Variants in RELN observed in about 807,000 individuals in gnomAD.
The protein encoded by RELN is reelin.
Under a neutral mutation model 427.6 loss-of-function variants are expected in RELN, and 108 were observed. The ratio of observed to expected loss-of-function variants is 0.25; its 90% CI spans 0.22 to 0.30. The LOEUF is 0.30. RELN is among the 10% of genes least tolerant of loss of function. RELN has a pLI of 1.00. For synonymous variants in RELN, 1,524 were observed against 1,513.4 expected, an observed-to-expected ratio of 1.01 and a Z score of -0.16; for missense variants, 3,715 against 4,302.8, an observed-to-expected ratio of 0.86 and a Z score of 3.82.
intron 2 of RELN, among the ~76,000 whole-genome samples, chr7:103,858,514 A>G (rs578107581): frequency 6.6e-6 from 1 of 152,324 alleles, no homozygotes; most frequent in East Asian, 1.9e-4. Context: ...GCATTTAGAA[A>G]TAAGATAATT....
chr7:103,503,199 A>AT lies in RELN; in HGVS notation c.8305dup (p.Ile2769AsnfsTer13), dbSNP rs1164400626. Reference sequence around the variant, plus strand: ...CTGCACATGAATTTGATTCTGGGCAATTTTTTCAGACACCTTACATCCAAC... The same window carrying AT: ...CTGCACATGAATTTGATTCTGGGCAATTTTTTTCAGACACCTTACATCCAAC... On this transcript the variant is annotated frameshift_variant, in exon 52 of 65. Coordinates refer to ENST00000428762, the MANE Select transcript of RELN (RefSeq NM_005045.4). LOFTEE classifies it high-confidence loss of function. 6.2e-7 allele frequency: 1 copy of AT among 1,614,152 alleles called. No individual in the cohort carries two copies. Among genetic ancestry groups the AT allele is most frequent in the South Asian group, 1.1e-5 (1 of 91,084 alleles).
At chr7:103,811,564 A>C (rs975539719) in intron 3 of RELN, among the ~76,000 whole-genome samples, 2 of 152,248 alleles carry the variant, frequency 1.3e-5, no homozygotes, top group Non-Finnish European at 2.9e-5. Context: ...ACCAGTGCAT[A>C]GCACGGGCCT....
At position 103,780,051 on chromosome 7, in the gene RELN, C is replaced by T. The variant is rs1412932127; in HGVS notation, c.474-3424G>A. On this transcript the variant is annotated intron_variant, in intron 3 of 64. Transcript: ENST00000428762. The stretch of plus-strand genomic sequence containing the variant: ...CAGGGCCTGATCTTTAAAGAAATGT[C>T]TTCTCTGACTTGTATTCTCTACTCC... 3.9e-5 allele frequency among the ~76,000 whole-genome samples: 6 copies of T among 152,158 alleles called. No individual in the cohort carries two copies. In the South Asian group the frequency reaches 1.2e-3, roughly 32 times the overall value.
Position 103,519,736 on chromosome 7 carries a change from C to T in RELN, c.7669-220G>A, listed in dbSNP as rs543196925. ...TGGCTGGGACTACGGGTACATGCCT[C>T]CATGTCTAGCTAATTTTTTGTAGAG... is the stretch of plus-strand genomic sequence containing the variant. On this transcript the variant is annotated intron_variant, in intron 48 of 64. Coordinates refer to ENST00000428762, the MANE Select transcript of RELN (RefSeq NM_005045.4). Among the ~76,000 whole-genome samples, 4 of 152,088 alleles carry T rather than the reference C, an allele frequency of 2.6e-5. No individual in the cohort carries two copies. The East Asian group carries it at 7.8e-4, about 29-fold the overall frequency.
chr7:103,748,462 T>C (rs1222859882), intron 6 of RELN, among the ~76,000 whole-genome samples: 2 of 152,220 alleles, frequency 1.3e-5, no homozygotes, highest in East Asian at 1.9e-4. Flanking sequence ...CTCCTTTCTT[T>C]GGAACTCCTC....
intron 3 of RELN, among the ~76,000 whole-genome samples, chr7:103,818,769 T>TA: frequency 6.6e-6 from 1 of 152,192 alleles, no homozygotes; most frequent in East Asian, 1.9e-4. Context: ...TGTAGATGCA[T>TA]ATTTATTGGG....
Position 103,482,861 on chromosome 7 carries a change from A to G in RELN, c.10280+12T>C, listed in dbSNP as rs1237155367. The G allele has an allele frequency of 1.3e-5, 21 of 1,613,738 alleles. No individual in the cohort carries two copies. Among genetic ancestry groups the G allele is most frequent in the Non-Finnish European group, 1.7e-5 (20 of 1,179,724 alleles). Reference sequence around the variant, plus strand: ...TGAAATGGACATGGGATGCCATGTAATAGATACTCACAGGACGACCTCCAC... The same window carrying G: ...TGAAATGGACATGGGATGCCATGTAGTAGATACTCACAGGACGACCTCCAC... On this transcript the variant is annotated intron_variant, in intron 63 of 64. Coordinates refer to ENST00000428762, the MANE Select transcript of RELN (RefSeq NM_005045.4).
chr7:103,856,489 A>G (rs1361852676), intron 2 of RELN, among the ~76,000 whole-genome samples: 1 of 150,846 alleles, frequency 6.6e-6, no homozygotes, highest in Non-Finnish European at 1.5e-5. Flanking sequence ...GAATTGCTTG[A>G]ACCCAGGAAG....
chr7:103,719,383 C>T (rs186742075), intron 8 of RELN, among the ~76,000 whole-genome samples: 6 of 152,288 alleles, frequency 3.9e-5, no homozygotes, highest in Admixed American at 1.3e-4. Flanking sequence ...TCAAGAACCT[C>T]ATTAGGCACT....
intron 57 of RELN, among the ~76,000 whole-genome samples, chr7:103,492,244 T>A (rs1292143148): frequency 6.6e-6 from 1 of 152,188 alleles, no homozygotes; most frequent in Admixed American, 6.5e-5. Flanking sequence ...AAAGTTACAT[T>A]TCTATGTACT....
At chr7:103,848,999 A>T (rs1245164118) in intron 2 of RELN, among the ~76,000 whole-genome samples, 1 of 152,182 alleles carries the variant, frequency 6.6e-6, no homozygotes. Context: ...TACCTGGGAC[A>T]GCCTAACAGA....
At chr7:103,594,031 A>T in intron 26 of RELN, 149 bp from the exon 27 acceptor site, 1 of 722,554 alleles carries the variant, frequency 1.4e-6, no homozygotes, top group Admixed American at 2.4e-5. Flanking sequence ...ACTGCTATTA[A>T]CTTTTTCTCC....
chr7:103,923,402 T>G (rs553414829), intron 1 of RELN, among the ~76,000 whole-genome samples: 1 of 152,210 alleles, frequency 6.6e-6, no homozygotes, highest in African/African-American at 2.4e-5. Flanking sequence ...TGGTTTTGTG[T>G]GGATTTCAAA....
At chr7:103,857,459 G>A (rs896473531) in intron 2 of RELN, among the ~76,000 whole-genome samples, 4 of 152,202 alleles carry the variant, frequency 2.6e-5, no homozygotes, top group African/African-American at 9.7e-5. Context: ...ACATGCAGGG[G>A]TGTAATACAA....
At chr7:103,981,775 G>T (rs199498206) in intron 1 of RELN, among the ~76,000 whole-genome samples, 2 of 152,344 alleles carry the variant, frequency 1.3e-5, no homozygotes, top group Middle Eastern at 3.4e-3. Context: ...CAAGATGGTT[G>T]TATCATCTCC....
At chr7:103,831,110 T>C (rs949642665) in intron 3 of RELN, among the ~76,000 whole-genome samples, 27 of 152,140 alleles carry the variant, frequency 1.8e-4, no homozygotes, top group African/African-American at 6.5e-4. Flanking sequence ...CTTAAACAGA[T>C]TCAATTAAAA....
chr7:103,632,035 T>C (rs1832480400), intron 19 of RELN, among the ~76,000 whole-genome samples: 1 of 152,194 alleles, frequency 6.6e-6, no homozygotes, highest in Non-Finnish European at 1.5e-5. Context: ...TTTTTTAACA[T>C]AACAACTGGA....
At position 103,545,189 on chromosome 7, in the gene RELN, C is replaced by T. The variant is rs144387303; in HGVS notation, c.6458G>A (p.Gly2153Asp). Residue 2153 changes from glycine to aspartate, a missense_variant, in exon 42 of 65, where the codon GGC becomes GAC. Around this residue, in one of 4 missense-constraint regions of RELN, gnomAD observed 1,310 missense variants for 1,643.0 expected, o/e 0.80. Transcript: ENST00000428762. ...TATTTTACAGGTTGGACCTGAGTAG[C>T]CAGGGTCACATATACATTTGGTTCC... is the stretch of plus-strand genomic sequence containing the variant. ...INGTKCICDP[G>D]YSGPTCKIST... 4.1e-5 allele frequency: 66 copies of T among 1,613,974 alleles called. No individual in the cohort carries two copies. The African/African-American group carries it at 8.4e-4, about 21-fold the overall frequency.
At chr7:103,983,865 G>C (rs867635043) in intron 1 of RELN, among the ~76,000 whole-genome samples, 1 of 15,560 alleles carries the variant, frequency 6.4e-5, no homozygotes, top group African/African-American at 3.6e-4. Flanking sequence ...TCATATTTCT[G>C]TGTGTGTGTG....
Sources: allele counts gnomAD v4.1 joint callset (sites outside exome capture counted in the v4.1 genomes callset), GRCh38; gene constraint gnomAD v4.1.1; regional missense constraint gnomAD v4.1.1; transcripts MANE v1.5; gene names NCBI Gene and HGNC (gene_info 2026-07-23, HGNC 2026-07-21).